Variants in PRKDC observed in about 807,000 individuals in gnomAD.
The protein encoded by PRKDC is protein kinase, DNA-activated, catalytic subunit, also known as DNA-dependent protein kinase catalytic subunit.
A neutral mutation model predicts 486.9 loss-of-function variants in PRKDC; 82 were observed. The ratio of observed to expected loss-of-function variants is 0.17; its 90% CI spans 0.14 to 0.20. The LOEUF (loss-of-function observed/expected upper bound fraction) is 0.20, where lower values mean the gene tolerates loss of function less well. PRKDC is among the 10% of genes least tolerant of loss of function. PRKDC has a pLI of 1.00. For missense variants in PRKDC, 4,504 were observed against 5,038.2 expected, an observed-to-expected ratio of 0.89 and a Z score of 3.21; for synonymous variants, 1,895 against 1,837.0, an observed-to-expected ratio of 1.03 and a Z score of -0.81.
Position 47,775,205 on chromosome 8 carries a change from A to T in PRKDC, c.12183-828T>A, listed in dbSNP as rs188279978. Reference sequence around the variant, plus strand: ...TTGTCTCAAAAATAAATAAATAAATAAATAAATAAATTAATTAATTAATAG... The same window carrying T: ...TTGTCTCAAAAATAAATAAATAAATTAATAAATAAATTAATTAATTAATAG... On this transcript the variant is annotated intron_variant, in intron 85 of 85. Coordinates refer to ENST00000314191, the MANE Select transcript of PRKDC (RefSeq NM_006904.7). Among the ~76,000 whole-genome samples the T allele has an allele frequency of 2.7e-3, 410 of 151,144 alleles. 2 individuals are homozygous for T. Among genetic ancestry groups the T allele is most frequent in the African/African-American group, 9.1e-3 (375 of 41,000 alleles).
chr8:47,943,143 A>G, intron 10 of PRKDC, 66 bp downstream of exon 10: 1 of 1,524,588 alleles, frequency 6.6e-7, no homozygotes, highest in Non-Finnish European at 8.9e-7. Context: ...ACATGCATGC[A>G]TGCAAAGGGA....
intron 40 of PRKDC, among the ~76,000 whole-genome samples, chr8:47,868,652 CCCG>C (rs2088872517): frequency 1.3e-5 from 2 of 152,108 alleles, no homozygotes; most frequent in South Asian, 4.1e-4. Context: ...GATTGTCTCC[CCCG>C]CAGAACGCCA....
intron 54 of PRKDC, among the ~76,000 whole-genome samples, chr8:47,848,562 T>C (rs550070520): frequency 2.0e-4 from 30 of 151,422 alleles, no homozygotes; most frequent in African/African-American, 7.3e-4. Context: ...GACAGATTCA[T>C]CTGTACACCA....
At chr8:47,836,674 T>C in intron 57 of PRKDC, 147 bp from the exon 58 acceptor site, 1 of 782,158 alleles carries the variant, frequency 1.3e-6, no homozygotes, top group Non-Finnish European at 1.9e-6. Context: ...AGAAGAACCT[T>C]CTCTAATTTA....
chr8:47,799,309 A>C lies in PRKDC; in HGVS notation c.10198T>G (p.Ser3400Ala). 1 of 1,613,394 alleles carries C rather than the reference A, an allele frequency of 6.2e-7. No homozygotes were observed. Among genetic ancestry groups the C allele is most frequent in the Non-Finnish European group, 8.5e-7 (1 of 1,179,868 alleles). Residue 3400 changes from serine (S) to alanine (A), a missense_variant, in exon 72 of 86, where the codon TCC becomes GCC. Transcript: ENST00000314191. ...QAAEEEAQPP[S>A]WSCGPAAGVI... is the part of the protein sequence containing the mutation. ...CCAGCTGCAGGCCCACAGCTCCAGG[A>C]GGGAGGCTGGGCCTCCTCCTCAGCC...
At chr8:47,896,742 G>C (rs2089590062) in intron 30 of PRKDC, among the ~76,000 whole-genome samples, 3 of 151,998 alleles carry the variant, frequency 2.0e-5, no homozygotes, top group African/African-American at 7.2e-5. Flanking sequence ...ACAGGGCTGT[G>C]ACAGCCCACA....
chr8:47,778,206 C>A (rs1186518782), intron 83 of PRKDC, among the ~76,000 whole-genome samples: 1 of 152,142 alleles, frequency 6.6e-6, no homozygotes, highest in East Asian at 1.9e-4. Context: ...CTAAAACTTT[C>A]TTAGAGTCTT....
At chr8:47,807,413 G>T in intron 68 of PRKDC, 87 bp from the exon 69 acceptor site, 3 of 1,166,646 alleles carry the variant, frequency 2.6e-6, no homozygotes, top group African/African-American at 1.6e-5. Flanking sequence ...CTAAACCTTA[G>T]TAAATGTTTG....
chr8:47,848,908 C>T (rs1355522844), intron 54 of PRKDC, among the ~76,000 whole-genome samples: 1 of 152,198 alleles, frequency 6.6e-6, no homozygotes, highest in Non-Finnish European at 1.5e-5. Flanking sequence ...CCACCTCCTT[C>T]ATTTATGGAT....
At chr8:47,906,118 C>T (rs973615812) in intron 25 of PRKDC, among the ~76,000 whole-genome samples, 3 of 152,148 alleles carry the variant, frequency 2.0e-5, no homozygotes, top group Non-Finnish European at 4.4e-5. Flanking sequence ...GAGGCCAAGT[C>T]GGGAGGGTCT....
Position 47,782,602 on chromosome 8 carries a change from C to A in PRKDC, c.11176-4G>T. The A allele has an allele frequency of 6.4e-7, 1 of 1,554,270 alleles. No individual in the cohort carries two copies. The highest frequency in any genetic ancestry group is 8.7e-7 in the Non-Finnish European group (1 of 1,148,968). The stretch of plus-strand genomic sequence containing the variant: ...GCAGAGACGCCATGACTGTCACCTT[C>A]AAAAATCAGAATGTCATCTCAGGGC... On this transcript the variant is annotated splice_region_variant and splice_polypyrimidine_tract_variant and intron_variant, in intron 78 of 85. Transcript: ENST00000314191. This position sits in a 1 kb window ranked among gnomAD's most constrained non-coding sequence, Gnocchi z 4.9.
intron 24 of PRKDC, among the ~76,000 whole-genome samples, chr8:47,913,119 T>C (rs143683045): frequency 7.9e-4 from 121 of 152,328 alleles, no homozygotes; most frequent in African/African-American, 2.9e-3. Flanking sequence ...GCACACTAAA[T>C]AGACCAGAGT....
intron 24 of PRKDC, 116 bp downstream of exon 24, chr8:47,913,785 G>GA (rs769619252): frequency 1.9e-5 from 21 of 1,079,958 alleles, no homozygotes; most frequent in Non-Finnish European, 2.5e-5. Context: ...CTATATTACA[G>GA]AAAATACAAA....
intron 52 of PRKDC, among the ~76,000 whole-genome samples, chr8:47,851,021 G>T (rs572010422): frequency 2.6e-5 from 4 of 152,272 alleles, no homozygotes; most frequent in Non-Finnish European, 4.4e-5. Flanking sequence ...TGTTGGCCAG[G>T]CTGGTCTTGA....
Position 47,778,531 on chromosome 8 carries a change from G to A in PRKDC, c.11781C>T (p.Asn3927=). ...CGCCAGTCTCCATGGCCACCATAAA[G>A]TTGTTCAGATGTCTGTCTCCAATCC... ...ILGIGDRHLN[N]FMVAMETGGV... is the part of the protein sequence containing the mutation. The change falls in exon 83 of 86, where the codon AAC becomes AAT. Residue 3927 remains asparagine, a synonymous_variant. Coordinates refer to ENST00000314191, the MANE Select transcript of PRKDC (RefSeq NM_006904.7). 1 of 1,613,858 alleles carries A rather than the reference G, an allele frequency of 6.2e-7. No homozygotes were observed. The highest frequency in any genetic ancestry group is 8.5e-7 in the Non-Finnish European group (1 of 1,179,838).
At chr8:47,796,599 T>G (rs2086990513) in intron 73 of PRKDC, among the ~76,000 whole-genome samples, 1 of 143,666 alleles carries the variant, frequency 7.0e-6, no homozygotes, top group Non-Finnish European at 1.5e-5. Context: ...TTTTTTTTTT[T>G]GTTGTTGTTG....
intron 73 of PRKDC, among the ~76,000 whole-genome samples, chr8:47,795,412 A>G (rs759445002): frequency 1.3e-5 from 2 of 149,898 alleles, no homozygotes; most frequent in African/African-American, 2.5e-5. Context: ...GATGGTCTCA[A>G]TCTCGTGACC....
chr8:47,952,552 C>T (rs925272900), intron 7 of PRKDC, among the ~76,000 whole-genome samples: 2 of 152,146 alleles, frequency 1.3e-5, no homozygotes, highest in South Asian at 2.1e-4. Flanking sequence ...GGTACATACA[C>T]GTGACAGAAT....
chr8:47,891,206 C>T (rs1260693690), intron 31 of PRKDC, among the ~76,000 whole-genome samples: 1 of 152,114 alleles, frequency 6.6e-6, no homozygotes, highest in Non-Finnish European at 1.5e-5. Flanking sequence ...GGTGCACAGC[C>T]CTTTAGAGTG....
Sources: allele counts gnomAD v4.1 joint callset (sites outside exome capture counted in the v4.1 genomes callset), GRCh38; gene constraint gnomAD v4.1.1; non-coding constraint Gnocchi (gnomAD v3.1); transcripts MANE v1.5; gene names NCBI Gene and HGNC (gene_info 2026-07-23, HGNC 2026-07-21).